SGSM3: variants seen among roughly 807,000 people sequenced by gnomAD.
SGSM3 encodes small G protein signaling modulator 3.
In SGSM3, 96 loss-of-function variants were observed where a neutral mutation model predicts 100.5. That is an observed-to-expected ratio of 0.96 (90% CI 0.81 to 1.13). SGSM3 has a LOEUF of 1.13. SGSM3 is among the 50% of genes most tolerant of loss of function. The probability of loss-of-function intolerance (pLI) is 0.00; values close to 1 mark genes in which losing one functional copy is unlikely to be tolerated. For synonymous variants in SGSM3, 483 were observed against 422.8 expected, an observed-to-expected ratio of 1.14 and a Z score of -1.75; for missense variants, 1,001 against 1,015.8, an observed-to-expected ratio of 0.99 and a Z score of 0.20.
chr22:40,373,351 T>C (rs1569121686), intron 1 of SGSM3: 1 of 152,218 alleles, frequency 6.6e-6, no homozygotes, highest in African/African-American at 2.4e-5. Context: ...TCTAGACTTG[T>C]CCTTAAGAAG....
At position 40,406,240 on chromosome 22, in the gene SGSM3, C is replaced by T. The variant is rs780601814; in HGVS notation, c.960+17C>T. 1.9e-6 allele frequency: 3 copies of T among 1,613,254 alleles called. No individual in the cohort carries two copies. In the South Asian group the frequency reaches 3.3e-5, roughly 18 times the overall value. ...CACCTCAAGGTGCTCCACGGCCCCA[C>T]TTCAGGCTGAGGAGTAGGCACCCGA... On this transcript the variant is annotated intron_variant, in intron 9 of 21. Coordinates refer to ENST00000248929, the MANE Select transcript of SGSM3 (RefSeq NM_015705.6).
At chr22:40,405,089 C>A in intron 6 of SGSM3, 52 bp from the exon 7 acceptor site, 1 of 1,463,474 alleles carries the variant, frequency 6.8e-7, no homozygotes, top group Non-Finnish European at 9.0e-7. Context: ...CTGCCTCCCT[C>A]CCAGGGTGTC....
At chr22:40,390,178 CTG>C (rs2049162482) in intron 1 of SGSM3, 1 of 152,160 alleles carries the variant, frequency 6.6e-6, no homozygotes, top group Non-Finnish European at 1.5e-5. Flanking sequence ...GTCTCTTGCT[CTG>C]TGATTCTCTA....
intron 10 of SGSM3, 58 bp downstream of exon 10, chr22:40,406,720 CT>C: frequency 6.9e-7 from 1 of 1,439,600 alleles, no homozygotes; most frequent in South Asian, 1.2e-5. Context: ...GAGGGGTCAC[CT>C]TGAAGTTCAG....
chr22:40,394,854 C>A (rs2049847637), intron 1 of SGSM3, among the ~76,000 whole-genome samples: 2 of 152,092 alleles, frequency 1.3e-5, no homozygotes, highest in South Asian at 4.2e-4. Context: ...TTAAAAATAA[C>A]CCCTCCACTC....
At chr22:40,376,307 TTGAC>T (rs1168803634) in intron 1 of SGSM3, 1 of 151,082 alleles carries the variant, frequency 6.6e-6, no homozygotes, top group East Asian at 1.9e-4. Flanking sequence ...GCTTGATTGA[TTGAC>T]AGGGTTTTGC....
intron 1 of SGSM3, among the ~76,000 whole-genome samples, chr22:40,372,122 C>CTTTTTTTTTT (rs58396730): frequency 4.6e-5 from 3 of 65,200 alleles, no homozygotes; most frequent in Non-Finnish European, 8.0e-5. Context: ...TCCCCCCCCC[C>CTTTTTTTTTT]TTTTTTTTTT....
chr22:40,409,955 G>A lies in SGSM3; in HGVS notation c.*196G>A. 1.4e-6 allele frequency: 2 copies of A among 1,396,568 alleles called. No individual in the cohort carries two copies. Among genetic ancestry groups the A allele is most frequent in the South Asian group, 3.5e-5 (2 of 57,602 alleles). The allele number at this position is 1,396,568 out of a possible 1,614,324, so 86.5% of individuals were successfully genotyped here. A position where few individuals can be genotyped will look rare whatever the true frequency, so the allele number is the denominator to read the frequency against. Reference sequence around the variant, plus strand: ...GTACCCTGCCCCACCAGGGTCCTTAGGGATGCTCTAGGCCAAACCACAGTT... The same window carrying A: ...GTACCCTGCCCCACCAGGGTCCTTAAGGATGCTCTAGGCCAAACCACAGTT... On this transcript the variant is annotated 3_prime_UTR_variant, in exon 22 of 22. Coordinates refer to ENST00000248929, the MANE Select transcript of SGSM3 (RefSeq NM_015705.6).
At chr22:40,375,735 G>A (rs925150319) in intron 1 of SGSM3, among the ~76,000 whole-genome samples, 1 of 150,970 alleles carries the variant, frequency 6.6e-6, no homozygotes, top group Admixed American at 6.6e-5. Context: ...TAATTAGCCT[G>A]CAAGCTAACA....
At chr22:40,401,237 G>C (rs2050714631) in intron 2 of SGSM3, among the ~76,000 whole-genome samples, 1 of 151,930 alleles carries the variant, frequency 6.6e-6, no homozygotes, top group South Asian at 2.1e-4. Flanking sequence ...TTTGAATTTT[G>C]CCTCTGCATT....
Position 40,404,575 on chromosome 22 carries a change from G to C in SGSM3, c.385G>C (p.Gly129Arg). The change falls in exon 6 of 22, where the codon GGG becomes CGG. Residue 129 changes from glycine to arginine, a missense_variant. Coordinates refer to ENST00000248929, the MANE Select transcript of SGSM3 (RefSeq NM_015705.6). Reference sequence around the variant, plus strand: ...CCCTCAGCTGTGGATGCGGCTCTCTGGGGCCCTGCAGAAGAAGAGGAACTC... The same window carrying C: ...CCCTCAGCTGTGGATGCGGCTCTCTCGGGCCCTGCAGAAGAAGAGGAACTC... ...MRPQLWMRLS[G>R]ALQKKRNSEL... 6.2e-7 allele frequency: 1 copy of C among 1,613,732 alleles called. No homozygotes were observed. Among genetic ancestry groups the C allele is most frequent in the Middle Eastern group, 1.7e-4 (1 of 6,060 alleles).
Position 40,408,308 on chromosome 22 carries a change from A to AG in SGSM3, c.1666dup (p.Val556GlyfsTer14), listed in dbSNP as rs771198035. ...ATCGCGGGGGATGACTCGGTGACGG[A>AG]GGGGGTCACAGACCTCGTGCGAGGG... On this transcript the variant is annotated frameshift_variant, in exon 16 of 22. Coordinates refer to ENST00000248929, the MANE Select transcript of SGSM3 (RefSeq NM_015705.6). LOFTEE classifies it high-confidence loss of function. 6.2e-7 allele frequency: 1 copy of AG among 1,613,296 alleles called. No homozygotes were observed. Among genetic ancestry groups the AG allele is most frequent in the South Asian group, 1.1e-5 (1 of 91,070 alleles).
chr22:40,405,965 GTTC>G, intron 8 of SGSM3, 110 bp from the exon 9 acceptor site: 1 of 1,495,280 alleles, frequency 6.7e-7, no homozygotes, highest in African/African-American at 1.4e-5. Context: ...GTTCTCTGGT[GTTC>G]CCTGCCCCCT....
At chr22:40,388,279 G>C (rs1169903973) in intron 1 of SGSM3, 1 of 152,212 alleles carries the variant, frequency 6.6e-6, no homozygotes, top group African/African-American at 2.4e-5. Context: ...GTAACCGGAG[G>C]GGGAGTCAGT....
rs1250901573 is a variant in SGSM3, at chr22:40,406,033, T to A, written c.815-45T>A. The A allele has an allele frequency of 2.5e-6, 4 of 1,596,202 alleles. No homozygotes were observed. The South Asian group carries it at 4.5e-5, about 18-fold the overall frequency. On this transcript the variant is annotated intron_variant, in intron 8 of 21. Coordinates refer to ENST00000248929, the MANE Select transcript of SGSM3 (RefSeq NM_015705.6). ...CTTGCTGCAGTTCCGGGGAGGGAGG[T>A]TTCCACCACCTCCTCCCCAGCGGCT...
At position 40,400,699 on chromosome 22, in the gene SGSM3, A is replaced by T; in HGVS notation, c.-108A>T. 9.6e-7 allele frequency: 1 copy of T among 1,038,760 alleles called. No individual in the cohort carries two copies. The highest frequency in any genetic ancestry group is 1.5e-6 in the Non-Finnish European group (1 of 689,102). The allele number at this position is 1,038,760 out of a possible 1,614,324, so 64.3% of individuals were successfully genotyped here. Reference sequence around the variant, plus strand: ...TTCCTCTTTTCTCTTCTAACAGGGCAGATGATTCTGGACCAGATGAAGCCT... The same window carrying T: ...TTCCTCTTTTCTCTTCTAACAGGGCTGATGATTCTGGACCAGATGAAGCCT... On this transcript the variant is annotated 5_prime_UTR_variant, in exon 2 of 22. Coordinates refer to ENST00000248929, the MANE Select transcript of SGSM3 (RefSeq NM_015705.6).
intron 6 of SGSM3, 135 bp from the exon 7 acceptor site, chr22:40,405,006 C>T (rs2051268165): frequency 8.0e-7 from 1 of 1,253,630 alleles, no homozygotes; most frequent in South Asian, 1.7e-5. Context: ...GGAGCTGACC[C>T]TGAAGGGAGG....
intron 6 of SGSM3, 80 bp from the exon 7 acceptor site, chr22:40,405,061 G>T: frequency 6.9e-7 from 1 of 1,440,750 alleles, no homozygotes; most frequent in Non-Finnish European, 9.2e-7. Flanking sequence ...ATTTCTGGGG[G>T]AGAAGCCCGC....
intron 1 of SGSM3, among the ~76,000 whole-genome samples, chr22:40,375,160 T>C (rs566282219): frequency 2.0e-5 from 3 of 152,352 alleles, no homozygotes; most frequent in Admixed American, 6.5e-5. Context: ...ATATTTCTGC[T>C]TTTTCTAAGT....
Sources: gnomAD v4.1 joint callset for allele counts (sites outside exome capture counted in the v4.1 genomes callset) on GRCh38, gnomAD v4.1.1 for gene constraint, MANE v1.5 for transcripts, NCBI Gene and HGNC (gene_info 2026-07-23, HGNC 2026-07-21) for gene names.